RIMS2: variants seen among roughly 807,000 people sequenced by gnomAD.
The protein encoded by RIMS2 is regulating synaptic membrane exocytosis 2.
In RIMS2, 59 loss-of-function variants were observed where a neutral mutation model predicts 174.4. The observed-to-expected ratio is 0.34, with a 90% CI of 0.27 to 0.42. The LOEUF (loss-of-function observed/expected upper bound fraction) is 0.42, where lower values mean the gene tolerates loss of function less well. Ranked by LOEUF, RIMS2 falls within the 10% of genes least tolerant of loss-of-function variation. RIMS2 has a pLI of 1.00. For missense variants in RIMS2, 1,620 were observed against 1,666.3 expected, an observed-to-expected ratio of 0.97 and a Z score of 0.48; for synonymous variants, 606 against 572.5, an observed-to-expected ratio of 1.06 and a Z score of -0.84.
intron 1 of RIMS2, chr8:103,568,666 T>C: frequency 1.5e-6 from 1 of 661,540 alleles, no homozygotes; most frequent in South Asian, 1.4e-5. Flanking sequence ...AGCATTTCCC[T>C]AGATAAACAA....
In RIMS2 at chr8:103,960,143, T is replaced by C. The variant is rs555149214; in HGVS notation, c.2702-922T>C. On this transcript the variant is annotated intron_variant, in intron 14 of 23. Transcript: ENST00000504942. ...AAAGAATTCTGTTGTGTGGGGTGTG[T>C]CTGTTCCTGAAACACATGGAGGTGA... is the stretch of plus-strand genomic sequence containing the variant. Among the ~76,000 whole-genome samples, 138 of 152,294 alleles carry C rather than the reference T, an allele frequency of 9.1e-4. 1 individual carries two copies. The highest frequency in any genetic ancestry group is 3.2e-3 in the African/African-American group (134 of 41,574).
At chr8:104,054,298 C>T (rs1459399412) in intron 19 of RIMS2, among the ~76,000 whole-genome samples, 1 of 152,110 alleles carries the variant, frequency 6.6e-6, no homozygotes, top group Non-Finnish European at 1.5e-5. Context: ...CACTACATGA[C>T]ATTAGCTGCT....
intron 19 of RIMS2, among the ~76,000 whole-genome samples, chr8:104,182,820 T>C (rs898825363): frequency 6.6e-6 from 1 of 151,784 alleles, no homozygotes; most frequent in African/African-American, 2.4e-5. Flanking sequence ...TTTTCTCCTC[T>C]ATGAAGTGAA....
At chr8:103,885,447 A>T in exon 4 of RIMS2, 1 of 1,612,450 alleles carries the variant, frequency 6.2e-7, no homozygotes, top group Non-Finnish European at 8.5e-7. Context: ...CATGAACCTC[A>T]GTTTTATGAA....
chr8:103,674,177 A>G (rs1035889900), intron 1 of RIMS2, among the ~76,000 whole-genome samples: 3 of 152,226 alleles, frequency 2.0e-5, no homozygotes, highest in Non-Finnish European at 4.4e-5. Flanking sequence ...TACCACTATC[A>G]GCATTTTGGT....
intron 3 of RIMS2, among the ~76,000 whole-genome samples, chr8:103,807,903 G>A (rs1417434877): frequency 2.0e-5 from 3 of 152,008 alleles, no homozygotes; most frequent in Non-Finnish European, 4.4e-5. Context: ...TTTTTAAGTT[G>A]ATAAGATTAG....
At chr8:103,735,845 G>T (rs2139107258) in intron 2 of RIMS2, among the ~76,000 whole-genome samples, 1 of 152,156 alleles carries the variant, frequency 6.6e-6, no homozygotes, top group African/African-American at 2.4e-5. Context: ...ACTTCCTTGT[G>T]CATTCTTTTG....
intron 1 of RIMS2, among the ~76,000 whole-genome samples, chr8:103,553,692 A>T (rs771527164): frequency 4.6e-5 from 7 of 152,166 alleles, no homozygotes; most frequent in Non-Finnish European, 7.3e-5. Context: ...ACAGAGTTTG[A>T]AAAAGACTAT....
chr8:103,880,086 A>G (rs976175826), intron 3 of RIMS2, among the ~76,000 whole-genome samples: 1 of 151,664 alleles, frequency 6.6e-6, no homozygotes, highest in Non-Finnish European at 1.5e-5. Context: ...ACTGAAGATT[A>G]AGAAACTTGT....
intron 2 of RIMS2, among the ~76,000 whole-genome samples, chr8:103,746,131 A>G (rs555657991): frequency 1.3e-5 from 2 of 152,288 alleles, no homozygotes; most frequent in South Asian, 4.1e-4. Flanking sequence ...TGTGTATGGT[A>G]TGAGTTAGGG....
intron 1 of RIMS2, among the ~76,000 whole-genome samples, chr8:103,640,998 A>G (rs975084972): frequency 6.6e-6 from 1 of 152,122 alleles, no homozygotes; most frequent in Non-Finnish European, 1.5e-5. Context: ...CAGATGTATC[A>G]ATTTTTGCCT....
At chr8:103,601,462 T>A (rs1455530486) in intron 1 of RIMS2, among the ~76,000 whole-genome samples, 1 of 151,402 alleles carries the variant, frequency 6.6e-6, no homozygotes. Context: ...TGAAATCTAT[T>A]TTGTCTGATA....
chr8:103,984,436 A>G (rs1273042265), intron 16 of RIMS2, among the ~76,000 whole-genome samples: 1 of 152,214 alleles, frequency 6.6e-6, no homozygotes, highest in South Asian at 2.1e-4. Context: ...ACAAATAGCA[A>G]CCGGGCATAT....
chr8:103,669,826 C>T (rs1486935380), intron 1 of RIMS2, among the ~76,000 whole-genome samples: 1 of 152,236 alleles, frequency 6.6e-6, no homozygotes, highest in Non-Finnish European at 1.5e-5. Flanking sequence ...TGGGCTGGCA[C>T]TGAGTGCCTG....
At chr8:103,601,157 G>A (rs936333879) in intron 1 of RIMS2, among the ~76,000 whole-genome samples, 1 of 152,076 alleles carries the variant, frequency 6.6e-6, no homozygotes, top group Non-Finnish European at 1.5e-5. Flanking sequence ...CCATTCTGTG[G>A]GTTGTTGATT....
intron 1 of RIMS2, among the ~76,000 whole-genome samples, chr8:103,598,559 C>G (rs566436751): frequency 1.3e-3 from 197 of 152,226 alleles, no homozygotes; most frequent in African/African-American, 4.4e-3. Context: ...CAAGTGGCAG[C>G]AAGTGGTTAA....
chr8:104,171,637 G>T (rs1295312169), intron 19 of RIMS2, among the ~76,000 whole-genome samples: 1 of 151,706 alleles, frequency 6.6e-6, no homozygotes, highest in African/African-American at 2.4e-5. Context: ...TTTTTATCTG[G>T]CATTTCAGAG....
At chr8:103,634,969 A>G (rs982984265) in intron 1 of RIMS2, among the ~76,000 whole-genome samples, 1 of 152,010 alleles carries the variant, frequency 6.6e-6, no homozygotes, top group African/African-American at 2.4e-5. Context: ...TTTTTTATCC[A>G]GCTTGCTACT....
chr8:103,948,036 GAT>G (rs1364080487), intron 14 of RIMS2, among the ~76,000 whole-genome samples: 4 of 152,160 alleles, frequency 2.6e-5, no homozygotes, highest in African/African-American at 4.8e-5. Context: ...GCAAATACTT[GAT>G]AGTTATTTGA....
Sources: gnomAD v4.1 joint callset for allele counts (sites outside exome capture counted in the v4.1 genomes callset) on GRCh38, gnomAD v4.1.1 for gene constraint, MANE v1.5 for transcripts, NCBI Gene and HGNC (gene_info 2026-07-23, HGNC 2026-07-21) for gene names.